RELCH: variants seen among roughly 807,000 people sequenced by gnomAD.
The protein encoded by RELCH is RAB11 binding and LisH domain, coiled-coil and HEAT repeat containing.
RELCH carries 41 observed loss-of-function variants against 150.3 expected under a neutral mutation model. The ratio of observed to expected loss-of-function variants is 0.27; its 90% CI spans 0.21 to 0.35. The LOEUF (loss-of-function observed/expected upper bound fraction) is 0.35, where lower values mean the gene tolerates loss of function less well. RELCH is among the 10% of genes least tolerant of loss of function. The pLI is 1.00. For missense variants in RELCH, 1,092 were observed against 1,467.8 expected, an observed-to-expected ratio of 0.74 and a Z score of 4.18; for synonymous variants, 478 against 531.8, an observed-to-expected ratio of 0.90 and a Z score of 1.39.
At chr18:62,230,382 G>A (rs1279256135) in intron 8 of RELCH, among the ~76,000 whole-genome samples, 1 of 151,996 alleles carries the variant, frequency 6.6e-6, no homozygotes, top group African/African-American at 2.4e-5. Context: ...TATGAGAGGA[G>A]CATAAAACAG....
In RELCH at chr18:62,187,288, TG is replaced by T. The variant is rs920036708; in HGVS notation, c.-217del. On this transcript the variant is annotated 5_prime_UTR_variant, in exon 1 of 29. Transcript: ENST00000644646. Reference sequence around the variant, plus strand: ...CGAGACTGGAGACCAGGAAGACGCCTGCAGAGCCGGGCTGCTGGTGCAGCAG... The same window carrying T: ...CGAGACTGGAGACCAGGAAGACGCCTCAGAGCCGGGCTGCTGGTGCAGCAG... 1 of 382,246 alleles carries T rather than the reference TG, an allele frequency of 2.6e-6. No individual in the cohort carries two copies. The highest frequency in any genetic ancestry group is 2.1e-5 in the African/African-American group (1 of 48,370). 23.7% of individuals were successfully genotyped at this position (382,246 alleles called of 1,614,324 possible). A position where few individuals can be genotyped will look rare whatever the true frequency, so the allele number is the denominator to read the frequency against.
At chr18:62,261,465 G>A (rs1314552894) in intron 15 of RELCH, 46 bp from the exon 16 acceptor site, 1 of 1,568,610 alleles carries the variant, frequency 6.4e-7, no homozygotes, top group Admixed American at 1.7e-5. Context: ...AATTAGCAAT[G>A]TAACTTCAAA....
chr18:62,290,400 G>A lies in RELCH; in HGVS notation c.3371-1143G>A, dbSNP rs112880757. ...TAAAAAATTAGCTGGATGTGGTGCCGTGCACCTGTAATCCCAGCTACTTGG... is the reference window on the plus strand; with the variant it reads ...TAAAAAATTAGCTGGATGTGGTGCCATGCACCTGTAATCCCAGCTACTTGG... On this transcript the variant is annotated intron_variant, in intron 26 of 28. Transcript: ENST00000644646. Among the ~76,000 whole-genome samples the A allele has an allele frequency of 8.0e-3, 1,217 of 152,240 alleles. 19 individuals carry two copies. Among genetic ancestry groups the A allele is most frequent in the African/African-American group, 0.028 (1,163 of 41,536 alleles).
At chr18:62,298,435 A>G (rs1406848292) in intron 27 of RELCH, among the ~76,000 whole-genome samples, 1 of 152,194 alleles carries the variant, frequency 6.6e-6, no homozygotes, top group Admixed American at 6.5e-5. Context: ...GACAGCTTTT[A>G]CTGGGAAAAT....
At chr18:62,217,846 A>AT (rs1196081857) in intron 2 of RELCH, among the ~76,000 whole-genome samples, 1 of 151,782 alleles carries the variant, frequency 6.6e-6, no homozygotes, top group Non-Finnish European at 1.5e-5. Flanking sequence ...AGTGGGAAGA[A>AT]TTTTTTTTAA....
At chr18:62,189,213 A>G (rs1027332303) in intron 1 of RELCH, among the ~76,000 whole-genome samples, 1 of 150,182 alleles carries the variant, frequency 6.7e-6, no homozygotes, top group Non-Finnish European at 1.5e-5. Flanking sequence ...ATAAAATGAG[A>G]CAGTAGTGTA....
At chr18:62,301,301 C>A (rs1246375512) in intron 28 of RELCH, among the ~76,000 whole-genome samples, 1 of 152,202 alleles carries the variant, frequency 6.6e-6, no homozygotes, top group Non-Finnish European at 1.5e-5. Flanking sequence ...CTGTGTGCCA[C>A]ACTGGGAGAT....
chr18:62,217,945 AC>A (rs1207941259), intron 2 of RELCH, among the ~76,000 whole-genome samples: 1 of 151,946 alleles, frequency 6.6e-6, no homozygotes, highest in Non-Finnish European at 1.5e-5. Flanking sequence ...TCTTGCTTTC[AC>A]TTATTTATTG....
chr18:62,275,404 A>G lies in RELCH; in HGVS notation c.2898A>G (p.Leu966=). The G allele has an allele frequency of 6.4e-7, 1 of 1,552,188 alleles. No homozygotes were observed. The highest frequency in any genetic ancestry group is 2.4e-5 in the East Asian group (1 of 42,066). Residue 966 remains leucine, a synonymous_variant, in exon 22 of 29, where the codon TTA becomes TTG. Coordinates refer to ENST00000644646, the MANE Select transcript of RELCH (RefSeq NM_001346231.2). ...ACCCAGCCTACCATGAGTTACTATT[A>G]ACTGTTTTGTGGTATGGTGTTGTCC... ...GANPAYHELL[L]TVLWYGVVHT...
chr18:62,202,106 T>C (rs914820757), intron 1 of RELCH, among the ~76,000 whole-genome samples: 2 of 152,154 alleles, frequency 1.3e-5, no homozygotes, highest in African/African-American at 4.8e-5. Context: ...GATTATTTGT[T>C]TCTGAGTTAT....
At chr18:62,251,617 G>A (rs974310404) in intron 11 of RELCH, among the ~76,000 whole-genome samples, 4 of 152,158 alleles carry the variant, frequency 2.6e-5, no homozygotes, top group East Asian at 3.8e-4. Flanking sequence ...AAAGAGATGC[G>A]ATCATTGAGA....
Position 62,211,153 on chromosome 18 carries a change from A to T in RELCH, c.527A>T (p.Asn176Ile). ...PSTASGGGQL[N>I]RAGSISTLDS... ...ACTTTTATATTTCTCTTTATTATAG[A>T]TCGAGCTGGGAGCATTAGTACCCTT... The change falls in exon 2 of 29, where the codon AAT becomes ATT. Residue 176 changes from asparagine to isoleucine, a missense_variant and splice_region_variant. This residue lies in a region of RELCH where 190 missense variants were observed against 276.2 expected (regional missense o/e 0.69). Coordinates refer to ENST00000644646, the MANE Select transcript of RELCH (RefSeq NM_001346231.2). 1 of 1,551,766 alleles carries T rather than the reference A, an allele frequency of 6.4e-7. No homozygotes were observed. The highest frequency in any genetic ancestry group is 1.7e-4 in the Middle Eastern group (1 of 5,886).
chr18:62,188,787 C>T (rs542130682), intron 1 of RELCH, among the ~76,000 whole-genome samples: 1 of 152,276 alleles, frequency 6.6e-6, no homozygotes, highest in South Asian at 2.1e-4. Context: ...CCCATATATT[C>T]GTAAGCATCT....
At chr18:62,209,510 C>T (rs977364035) in intron 1 of RELCH, among the ~76,000 whole-genome samples, 2 of 152,178 alleles carry the variant, frequency 1.3e-5, no homozygotes, top group Non-Finnish European at 2.9e-5. Context: ...TATGCCAAAA[C>T]TGTGCTGCCT....
At chr18:62,218,016 TA>T (rs1339166068) in intron 2 of RELCH, among the ~76,000 whole-genome samples, 1 of 152,030 alleles carries the variant, frequency 6.6e-6, no homozygotes, top group Non-Finnish European at 1.5e-5. Context: ...GAGAATTTTC[TA>T]AACCTAGTAA....
intron 12 of RELCH, among the ~76,000 whole-genome samples, chr18:62,253,855 T>C (rs778978283): frequency 2.0e-5 from 3 of 152,218 alleles, no homozygotes; most frequent in Non-Finnish European, 4.4e-5. Flanking sequence ...AATATATCCA[T>C]ATAACTTTCA....
At chr18:62,222,901 G>GAAATT (rs145584279) in intron 5 of RELCH, among the ~76,000 whole-genome samples, 13,420 of 151,872 alleles carry the variant, frequency 0.088, 661 homozygotes, top group Middle Eastern at 0.17. Flanking sequence ...AGTTAAAAAA[G>GAAATT]AAAAGGGAAA....
rs549938412 is a variant in RELCH, at chr18:62,283,373, C to T, written c.3253+929C>T. 5.3e-5 allele frequency among the ~76,000 whole-genome samples: 8 copies of T among 152,252 alleles called. No homozygotes were observed. In the Middle Eastern group the frequency reaches 0.01, roughly 194 times the overall value. ...TCAAAGCATTAAGAACTTATGACTC[C>T]AAAAGCATATCAGTTATCATAGCTC... On this transcript the variant is annotated intron_variant, in intron 25 of 28. Coordinates refer to ENST00000644646, the MANE Select transcript of RELCH (RefSeq NM_001346231.2).
chr18:62,296,541 A>G (rs4941124), intron 27 of RELCH, among the ~76,000 whole-genome samples: 111,200 of 151,778 alleles, frequency 0.73, 40,976 homozygotes, highest in East Asian at 0.9. Flanking sequence ...AGCCAAGATC[A>G]CGCCATTGCA....
Sources: gnomAD v4.1 joint callset for allele counts (sites outside exome capture counted in the v4.1 genomes callset) on GRCh38, gnomAD v4.1.1 for gene constraint, gnomAD v4.1.1 regional missense constraint, MANE v1.5 for transcripts, NCBI Gene and HGNC (gene_info 2026-07-23, HGNC 2026-07-21) for gene names.